Variants in MRTFA observed in about 807,000 individuals in gnomAD.
The protein encoded by MRTFA is myocardin related transcription factor A, also known as myocardin-related transcription factor A.
In MRTFA, 20 loss-of-function variants were observed where a neutral mutation model predicts 83.5. The observed-to-expected ratio is 0.24, with a 90% CI of 0.17 to 0.35. MRTFA has a LOEUF of 0.35. Ranked by LOEUF, MRTFA falls within the 10% of genes least tolerant of loss-of-function variation. MRTFA has a pLI of 1.00. For missense variants in MRTFA, 1,200 were observed against 1,224.7 expected, an observed-to-expected ratio of 0.98 and a Z score of 0.30; for synonymous variants, 659 against 541.2, an observed-to-expected ratio of 1.22 and a Z score of -3.02.
chr22:40,570,577 C>CCA lies in MRTFA; in HGVS notation c.-21-18211_-21-18210insTG, dbSNP rs1366723006. 3.8e-3 allele frequency among the ~76,000 whole-genome samples: 87 copies of CCA among 23,152 alleles called. 1 individual carries two copies. Among genetic ancestry groups the CCA allele is most frequent in the Middle Eastern group, 0.048 (2 of 42 alleles). 15.2% of individuals were successfully genotyped at this position (23,152 alleles called of 152,430 possible). On this transcript the variant is annotated intron_variant, in intron 2 of 14. Coordinates refer to ENST00000355630, the MANE Select transcript of MRTFA (RefSeq NM_020831.6). ...TAGGCGACAGAGCGAGACTCTGTCT[C>CCA]AAAAAAAAAAAAAAAAAAAAAAAAA...
chr22:40,464,812 T>C (rs1387740062), intron 3 of MRTFA, among the ~76,000 whole-genome samples: 1 of 152,048 alleles, frequency 6.6e-6, no homozygotes, highest in East Asian at 1.9e-4. Flanking sequence ...CCCCTTCCCA[T>C]CCTTCTTACT....
chr22:40,574,591 C>T (rs369429347), intron 2 of MRTFA, among the ~76,000 whole-genome samples: 6 of 151,934 alleles, frequency 3.9e-5, no homozygotes, highest in African/African-American at 1.4e-4. Flanking sequence ...TGCACCACCA[C>T]GCCGGCTGAT....
chr22:40,585,343 T>C (rs1412119757), intron 2 of MRTFA, among the ~76,000 whole-genome samples: 1 of 152,182 alleles, frequency 6.6e-6, no homozygotes, highest in African/African-American at 2.4e-5. Flanking sequence ...ATTCCACTTA[T>C]ATGAGGTACC....
chr22:40,632,706 G>A (rs961325151), intron 1 of MRTFA, among the ~76,000 whole-genome samples: 2 of 152,160 alleles, frequency 1.3e-5, no homozygotes, highest in Non-Finnish European at 2.9e-5. Flanking sequence ...AAAATGCTGA[G>A]AATACATGTG....
chr22:40,619,671 C>T (rs1602503032), intron 1 of MRTFA, among the ~76,000 whole-genome samples: 1 of 151,854 alleles, frequency 6.6e-6, no homozygotes. Context: ...GGGCGGATCA[C>T]GAGGTCAGGA....
intron 3 of MRTFA, among the ~76,000 whole-genome samples, chr22:40,479,862 T>C (rs1391961921): frequency 6.6e-6 from 1 of 152,196 alleles, no homozygotes; most frequent in Admixed American, 6.5e-5. Context: ...TTCTATTTAA[T>C]CTGAATACTG....
chr22:40,425,277 C>A (rs1258208069), intron 7 of MRTFA, among the ~76,000 whole-genome samples: 2 of 152,220 alleles, frequency 1.3e-5, no homozygotes, highest in African/African-American at 4.8e-5. Context: ...ACTGTCAGAG[C>A]CACCGGCTCA....
At chr22:40,582,285 T>G (rs989973442) in intron 2 of MRTFA, among the ~76,000 whole-genome samples, 1 of 152,226 alleles carries the variant, frequency 6.6e-6, no homozygotes, top group Non-Finnish European at 1.5e-5. Context: ...TTCAACTGTA[T>G]AGATATACCA....
At chr22:40,435,050 G>T (rs2053141557) in intron 5 of MRTFA, among the ~76,000 whole-genome samples, 1 of 151,918 alleles carries the variant, frequency 6.6e-6, no homozygotes, top group East Asian at 1.9e-4. Flanking sequence ...GACCAAGAAG[G>T]TTTCCTGCCC....
chr22:40,494,677 T>A (rs1306966425), intron 3 of MRTFA, among the ~76,000 whole-genome samples: 8 of 144,970 alleles, frequency 5.5e-5, no homozygotes, highest in Admixed American at 1.4e-4. Flanking sequence ...CCAGACTCTG[T>A]CTAAAAAAAA....
intron 2 of MRTFA, among the ~76,000 whole-genome samples, chr22:40,554,904 C>T (rs965871398): frequency 1.3e-5 from 2 of 152,224 alleles, no homozygotes; most frequent in Non-Finnish European, 2.9e-5. Flanking sequence ...TATCAGTGTA[C>T]CCAGAATGTG....
intron 3 of MRTFA, among the ~76,000 whole-genome samples, chr22:40,482,012 A>G (rs574640535): frequency 3.3e-5 from 5 of 151,396 alleles, no homozygotes; most frequent in Admixed American, 3.3e-4. Flanking sequence ...GTGAGCCGAG[A>G]TCGCACCACT....
Position 40,410,370 on chromosome 22 carries a change from A to T in MRTFA, c.*1020T>A, listed in dbSNP as rs1220299644. 1 of 249,242 alleles carries T rather than the reference A, an allele frequency of 4.0e-6. No homozygotes were observed. Among genetic ancestry groups the T allele is most frequent in the South Asian group, 1.7e-4 (1 of 5,866 alleles). 15.4% of individuals were successfully genotyped at this position (249,242 alleles called of 1,614,324 possible). ...CACTGGTTTTGGTGACTCCACCCCT[A>T]CTCCCCTATGAGTCAGCCCAGAATG... On this transcript the variant is annotated 3_prime_UTR_variant, in exon 15 of 15. Transcript: ENST00000355630.
At chr22:40,534,788 A>T (rs957506632) in intron 3 of MRTFA, among the ~76,000 whole-genome samples, 1 of 152,240 alleles carries the variant, frequency 6.6e-6, no homozygotes, top group Non-Finnish European at 1.5e-5. Flanking sequence ...TTTATCTAGA[A>T]TTCTTCAATC....
In MRTFA at chr22:40,420,469, C is replaced by G. The variant is rs765710534; in HGVS notation, c.1289G>C (p.Arg430Pro). 6.2e-7 allele frequency: 1 copy of G among 1,613,796 alleles called. No individual in the cohort carries two copies. The highest frequency in any genetic ancestry group is 8.5e-7 in the Non-Finnish European group (1 of 1,180,042). Residue 430 changes from arginine (R) to proline (P), a missense_variant, in exon 11 of 15, where the codon CGT becomes CCT. Coordinates refer to ENST00000355630, the MANE Select transcript of MRTFA (RefSeq NM_020831.6). ...GCCAGTCAGTGAGGTGCTGTTCTGACGTGCCAGCCCACAGGGCCCAGGGGC... is the reference window on the plus strand; with the variant it reads ...GCCAGTCAGTGAGGTGCTGTTCTGAGGTGCCAGCCCACAGGGCCCAGGGGC...
chr22:40,600,431 TAG>T (rs1288068544), intron 1 of MRTFA, among the ~76,000 whole-genome samples: 1 of 152,092 alleles, frequency 6.6e-6, no homozygotes, highest in Non-Finnish European at 1.5e-5. Flanking sequence ...GTGATGTGCA[TAG>T]AGATTTTAAA....
At chr22:40,582,824 C>T (rs2055970170) in intron 2 of MRTFA, among the ~76,000 whole-genome samples, 1 of 151,992 alleles carries the variant, frequency 6.6e-6, no homozygotes, top group Non-Finnish European at 1.5e-5. Context: ...TTAAAGTTGC[C>T]CAGAACTCAG....
intron 3 of MRTFA, among the ~76,000 whole-genome samples, chr22:40,499,002 T>C (rs1185274341): frequency 6.6e-6 from 1 of 152,028 alleles, no homozygotes; most frequent in African/African-American, 2.4e-5. Context: ...TCGTCCCTTT[T>C]ATTTTATTAT....
intron 2 of MRTFA, among the ~76,000 whole-genome samples, chr22:40,559,400 T>C (rs1885332197): frequency 6.6e-6 from 1 of 152,014 alleles, no homozygotes; most frequent in Admixed American, 6.6e-5. Context: ...GAGGAAAAAA[T>C]GGTGTTTCTT....
Sources: gnomAD v4.1 joint callset for allele counts (sites outside exome capture counted in the v4.1 genomes callset) on GRCh38, gnomAD v4.1.1 for gene constraint, MANE v1.5 for transcripts, NCBI Gene and HGNC (gene_info 2026-07-23, HGNC 2026-07-21) for gene names.